The following L3MBTL4 variants were observed in gnomAD, a reference collection of about 807,000 sequenced individuals.
L3MBTL4 encodes the protein L3MBTL histone methyl-lysine binding protein 4.
Under a neutral mutation model 84.5 loss-of-function variants are expected in L3MBTL4, and 70 were observed. The observed-to-expected ratio is 0.83, with a 90% confidence interval of 0.68 to 1.01. L3MBTL4 has a LOEUF of 1.01. Among genes scored for constraint, L3MBTL4 ranks in the 50% least tolerant of loss-of-function variants. The pLI, the probability that L3MBTL4 is intolerant of heterozygous loss-of-function variation, is 0.00. For missense variants in L3MBTL4, 715 were observed against 754.8 expected (o/e 0.95, Z 0.62); for synonymous variants, 274 against 259.8 (o/e 1.05, Z -0.52).
At chr18:6,223,620 A>G (rs1599221585) in intron 10 of L3MBTL4, among the ~76,000 whole-genome samples, 1 of 152,340 alleles carries the variant, frequency 6.6e-6, no homozygotes, top group East Asian at 1.9e-4. Context: ...CGTACAGTAT[A>G]AGATGATGGC....
At chr18:6,206,329 T>C (rs1004592034) in intron 12 of L3MBTL4, among the ~76,000 whole-genome samples, 2 of 152,228 alleles carry the variant, frequency 1.3e-5, no homozygotes, top group African/African-American at 4.8e-5. Flanking sequence ...TAGTGCTACA[T>C]CATCATCTTT....
chr18:6,034,565 G>A (rs1210269741), intron 16 of L3MBTL4, among the ~76,000 whole-genome samples: 1 of 152,078 alleles, frequency 6.6e-6, no homozygotes, highest in East Asian at 1.9e-4. Flanking sequence ...CATTTGGGTT[G>A]GTTCCAAGTC....
In L3MBTL4 at chr18:5,957,038, CTT is replaced by C. The variant is rs2095231212; in HGVS notation, c.1678-653_1678-652del. Among the ~76,000 whole-genome samples, 3 of 152,116 alleles carry C rather than the reference CTT, an allele frequency of 2.0e-5. No individual in the cohort carries two copies. In the South Asian group the frequency reaches 6.2e-4, roughly 32 times the overall value. On this transcript the variant is annotated intron_variant, in intron 18 of 18. Transcript: ENST00000317931. ...ATGCATATTTAAAATATTTTGAAGT[CTT>C]TACACCAAATGTTAACTGAAATTAT...
chr18:6,084,087 C>T (rs1400660239), intron 15 of L3MBTL4, among the ~76,000 whole-genome samples: 1 of 152,118 alleles, frequency 6.6e-6, no homozygotes, highest in Non-Finnish European at 1.5e-5. Flanking sequence ...GTTCAAAAGG[C>T]AAGTTAAGGA....
intron 16 of L3MBTL4, chr18:6,030,930 A>G (rs1267133540): frequency 1.0e-6 from 1 of 984,960 alleles, no homozygotes; most frequent in Non-Finnish European, 1.2e-6. Flanking sequence ...TAAATACAAT[A>G]AGTTTATTGT....
At chr18:6,008,381 T>C (rs918266097) in intron 16 of L3MBTL4, among the ~76,000 whole-genome samples, 2 of 152,144 alleles carry the variant, frequency 1.3e-5, no homozygotes, top group Non-Finnish European at 2.9e-5. Context: ...TCCTCAACAA[T>C]ATGAGATGTT....
chr18:6,311,786 C>A lies in L3MBTL4; in HGVS notation c.-31-130G>T. 3 of 601,978 alleles carry A rather than the reference C, an allele frequency of 5.0e-6. No homozygotes were observed. In the South Asian group the frequency reaches 6.1e-5, roughly 12 times the overall value. 37.3% of individuals were successfully genotyped at this position (601,978 alleles called of 1,614,324 possible). On this transcript the variant is annotated intron_variant, in intron 2 of 18. Coordinates refer to ENST00000317931, the MANE Select transcript of L3MBTL4 (RefSeq NM_001330559.2). ...TACTATAAATAACCTGATAAGTTGA[C>A]AAAAACTTTGCAATTGGTTTTATAG...
chr18:6,112,375 C>T (rs1403377239), intron 14 of L3MBTL4, among the ~76,000 whole-genome samples: 10 of 152,218 alleles, frequency 6.6e-5, no homozygotes, highest in Non-Finnish European at 1.5e-5. Flanking sequence ...CTTTGCTGCA[C>T]TGGCACGTCA....
chr18:6,215,674 T>G, intron 11 of L3MBTL4, 76 bp downstream of exon 11: 1 of 696,520 alleles, frequency 1.4e-6, no homozygotes, highest in Non-Finnish European at 2.3e-6. Flanking sequence ...TAGAATAATT[T>G]TAAACTGCCA....
At chr18:6,352,904 A>G (rs889530975) in intron 1 of L3MBTL4, among the ~76,000 whole-genome samples, 2 of 152,240 alleles carry the variant, frequency 1.3e-5, no homozygotes, top group African/African-American at 2.4e-5. Flanking sequence ...TCTTCAAACC[A>G]TTTGAAAGAA....
At chr18:6,272,600 T>C in intron 4 of L3MBTL4, among the ~76,000 whole-genome samples, 1 of 59,800 alleles carries the variant, frequency 1.7e-5, no homozygotes, top group Non-Finnish European at 3.9e-5. Context: ...CTGGTGGTTC[T>C]ACAGAGCGGC....
intron 1 of L3MBTL4, among the ~76,000 whole-genome samples, chr18:6,379,890 T>C (rs549004215): frequency 6.6e-6 from 1 of 152,342 alleles, no homozygotes; most frequent in African/African-American, 2.4e-5. Context: ...TCAGAAGGAA[T>C]GGTACCAGCT....
intron 16 of L3MBTL4, among the ~76,000 whole-genome samples, chr18:6,008,531 C>T (rs1348803757): frequency 2.0e-5 from 3 of 152,114 alleles, no homozygotes; most frequent in Non-Finnish European, 2.9e-5. Flanking sequence ...GTGGCCTTTC[C>T]TAGGTGTGTG....
chr18:6,144,174 C>T (rs1457808518), intron 13 of L3MBTL4, among the ~76,000 whole-genome samples: 70 of 121,800 alleles, frequency 5.7e-4, no homozygotes, highest in Middle Eastern at 7.7e-3. Flanking sequence ...CCAGCCTGGG[C>T]GACAGAGTGA....
At chr18:6,116,018 G>A (rs1460703721) in intron 14 of L3MBTL4, among the ~76,000 whole-genome samples, 2 of 152,198 alleles carry the variant, frequency 1.3e-5, no homozygotes, top group Non-Finnish European at 2.9e-5. Context: ...TTGGGAGTGG[G>A]TCAAGTGGGA....
At chr18:6,390,041 T>TTGGA (rs2054982347) in intron 1 of L3MBTL4, among the ~76,000 whole-genome samples, 2 of 152,092 alleles carry the variant, frequency 1.3e-5, no homozygotes, top group African/African-American at 4.8e-5. Context: ...ACAGACCATA[T>TTGGA]GATAGGCCAA....
At chr18:6,387,296 T>C (rs2054864371) in intron 1 of L3MBTL4, among the ~76,000 whole-genome samples, 1 of 152,210 alleles carries the variant, frequency 6.6e-6, no homozygotes, top group African/African-American at 2.4e-5. Flanking sequence ...ATGGTTAGAT[T>C]TGTGTTTCTC....
At chr18:6,196,604 A>G (rs1316190621) in intron 12 of L3MBTL4, among the ~76,000 whole-genome samples, 1 of 152,238 alleles carries the variant, frequency 6.6e-6, no homozygotes, top group Non-Finnish European at 1.5e-5. Context: ...ACTTGCTCCC[A>G]TGGGGCTATC....
intron 3 of L3MBTL4, among the ~76,000 whole-genome samples, chr18:6,302,635 T>A (rs2146842520): frequency 6.6e-6 from 1 of 152,316 alleles, no homozygotes; most frequent in Non-Finnish European, 1.5e-5. Flanking sequence ...AAAGTGGGTA[T>A]CCAGATATGT....
Sources: gnomAD v4.1 joint callset for allele counts (sites outside exome capture counted in the v4.1 genomes callset) on GRCh38, gnomAD v4.1.1 for gene constraint, MANE v1.5 for transcripts, NCBI Gene and HGNC (gene_info 2026-07-23, HGNC 2026-07-21) for gene names.